Variants in ZP3 observed in about 807,000 individuals in gnomAD.
The protein encoded by ZP3 is zona pellucida glycoprotein 3, also known as zona pellucida sperm-binding protein 3.
In ZP3, 21 loss-of-function variants were observed where a neutral mutation model predicts 35.6. That is an observed-to-expected ratio of 0.59 (90% confidence interval 0.42 to 0.85). ZP3 has a LOEUF of 0.85. Ranked by LOEUF, ZP3 falls within the 40% of genes least tolerant of loss-of-function variation. The pLI, the probability that ZP3 is intolerant of heterozygous loss-of-function variation, is 0.00. For synonymous variants in ZP3, 207 were observed against 214.5 expected, an observed-to-expected ratio of 0.96 and a Z score of 0.31; for missense variants, 437 against 536.5, an observed-to-expected ratio of 0.81 and a Z score of 1.83.
chr7:76,441,252 C>T (rs377644656), intron 7 of ZP3, among the ~76,000 whole-genome samples: 3 of 151,338 alleles, frequency 2.0e-5, no homozygotes, highest in African/African-American at 4.8e-5. Context: ...CCAGGGAAAT[C>T]GCTTGAGCCC....
chr7:76,397,556 T>A (rs1428909533), exon 1 of ZP3: 1 of 1,602,102 alleles, frequency 6.2e-7, no homozygotes, highest in Non-Finnish European at 8.5e-7. Context: ...GTGGCCGCAG[T>A]TGTGCACACC....
rs749442543 is a variant in ZP3, at chr7:76,440,559, G to A, written c.1008G>A (p.Gln336=). 8.7e-6 allele frequency: 14 copies of A among 1,614,098 alleles called. No individual in the cohort carries two copies. Among genetic ancestry groups the A allele is most frequent in the Non-Finnish European group, 1.2e-5 (14 of 1,180,042 alleles). Residue 336 remains glutamine (Q), a synonymous_variant, in exon 7 of 8, where the codon CAG becomes CAA. Transcript: ENST00000394857. Reference sequence around the variant, plus strand: ...GCACTCCAAGCCATTCCAGGAGGCAGCCTCATGTCATGAGCCAGTGGTCCA... The same window carrying A: ...GCACTCCAAGCCATTCCAGGAGGCAACCTCATGTCATGAGCCAGTGGTCCA... The part of the protein sequence containing the change: ...DCGTPSHSRR[Q]PHVMSQWSRS...
At chr7:76,436,367 C>T (rs62475561) in intron 5 of ZP3, among the ~76,000 whole-genome samples, 25,836 of 146,998 alleles carry the variant, frequency 0.18, 121 homozygotes, top group East Asian at 0.31. Flanking sequence ...TTACTGTTAT[C>T]CTCCATCTAC....
exon 1 of ZP3, chr7:76,397,564 A>T (rs1300072843): frequency 6.2e-7 from 1 of 1,604,652 alleles, no homozygotes; most frequent in East Asian, 2.2e-5. Context: ...AGTTGTGCAC[A>T]CCCCAGCCCA....
intron 1 of ZP3, among the ~76,000 whole-genome samples, chr7:76,405,343 T>TTTCTTTC (rs1804985262): frequency 8.1e-5 from 3 of 37,190 alleles, no homozygotes; most frequent in African/African-American, 1.6e-4. Flanking sequence ...TTCTTTCTTT[T>TTTCTTTC]TTTTTTTTTT....
upstream of ZP3, among the ~76,000 whole-genome samples, chr7:76,422,258 A>T (rs1249432900): frequency 1.3e-5 from 2 of 151,652 alleles, no homozygotes; most frequent in African/African-American, 4.8e-5. Flanking sequence ...TCAGCCTGGC[A>T]CCCACAGGGT....
At chr7:76,418,557 A>AG (rs1193247250) in intron 1 of ZP3, among the ~76,000 whole-genome samples, 1 of 126,710 alleles carries the variant, frequency 7.9e-6, no homozygotes, top group East Asian at 2.4e-4. Flanking sequence ...TCTCAAAAAA[A>AG]AAAAAAAAAA....
At chr7:76,427,515 CAAAA>C (rs71085411) in intron 1 of ZP3, among the ~76,000 whole-genome samples, 1 of 104,792 alleles carries the variant, frequency 9.5e-6, no homozygotes. Flanking sequence ...GACTCCGTCT[CAAAA>C]AAAAAAAAAA....
rs1260999198 is a variant in ZP3 at position 76,419,708 on chromosome 7, C to CCTTT, written c.-66-5342_-66-5341insTTCT. 9.6e-5 allele frequency among the ~76,000 whole-genome samples: 14 copies of CCTTT among 145,268 alleles called. No individual in the cohort carries two copies. The East Asian group carries it at 2.6e-3, about 27-fold the overall frequency. The stretch of plus-strand genomic sequence containing the variant: ...CTCTTTCTCTCTCTCTCCCTTCCTT[C>CCTTT]CTCCCTCCCTCTCCCTCTATCTCTT... On this transcript the variant is annotated intron_variant, in intron 1 of 8. Coordinates refer to the ZP3 transcript ENST00000336517.
intron 1 of ZP3, among the ~76,000 whole-genome samples, chr7:76,401,736 C>T (rs1442504243): frequency 6.6e-6 from 1 of 152,112 alleles, no homozygotes; most frequent in Non-Finnish European, 1.5e-5. Context: ...TTTCAATTCC[C>T]AGCTTGGAGC....
chr7:76,440,036 G>T, intron 5 of ZP3: 1 of 585,786 alleles, frequency 1.7e-6, no homozygotes. Flanking sequence ...TAGTAGCGAT[G>T]GGGTTTCACC....
intron 3 of ZP3, 114 bp from the exon 4 acceptor site, chr7:76,433,356 C>A: frequency 1.7e-6 from 2 of 1,184,652 alleles, no homozygotes; most frequent in East Asian, 2.4e-5. Flanking sequence ...GGTTTTGCCA[C>A]GTTGGCTAGG....
chr7:76,401,788 T>G (rs1187817913), intron 1 of ZP3, among the ~76,000 whole-genome samples: 1 of 152,160 alleles, frequency 6.6e-6, no homozygotes, highest in African/African-American at 2.4e-5. Context: ...CAGCTAGAAG[T>G]GCTCTCTGTT....
At chr7:76,413,441 T>C (rs534634620) in intron 1 of ZP3, among the ~76,000 whole-genome samples, 20 of 151,588 alleles carry the variant, frequency 1.3e-4, no homozygotes, top group Non-Finnish European at 2.1e-4. Flanking sequence ...TTCTGTATTT[T>C]TTTTTAGTAG....
intron 7 of ZP3, among the ~76,000 whole-genome samples, chr7:76,441,171 CAAAA>C (rs568113718): frequency 1.4e-5 from 2 of 147,946 alleles, no homozygotes; most frequent in South Asian, 4.3e-4. Flanking sequence ...AACTGTCTCT[CAAAA>C]AAAAAATAAT....
chr7:76,433,806 C>A (rs956591136), intron 4 of ZP3, 159 bp downstream of exon 4: 20 of 1,021,724 alleles, frequency 2.0e-5, no homozygotes, highest in Non-Finnish European at 2.3e-5. Context: ...TTAAGTGATT[C>A]TCCTGCCTCA....
chr7:76,415,812 G>A (rs1437500894), intron 1 of ZP3, among the ~76,000 whole-genome samples: 1 of 151,464 alleles, frequency 6.6e-6, no homozygotes. Flanking sequence ...TATTTTGTAG[G>A]TGATTTTAAA....
chr7:76,432,747 C>G (rs1805868510), intron 2 of ZP3, among the ~76,000 whole-genome samples, 180 bp from the exon 3 acceptor site: 1 of 152,276 alleles, frequency 6.6e-6, no homozygotes, highest in East Asian at 1.9e-4. Context: ...TGCAGAAGTT[C>G]AGGAGGGTGC....
chr7:76,441,229 G>A (rs1020517630), intron 7 of ZP3, among the ~76,000 whole-genome samples: 1 of 151,434 alleles, frequency 6.6e-6, no homozygotes, highest in African/African-American at 2.4e-5. Flanking sequence ...CCTAGCACTT[G>A]GGGAGGCTGA....
Sources: allele counts gnomAD v4.1 joint callset (sites outside exome capture counted in the v4.1 genomes callset), GRCh38; gene constraint gnomAD v4.1.1; transcripts MANE v1.5; gene names NCBI Gene and HGNC (gene_info 2026-07-23, HGNC 2026-07-21).